SLCO1A2: variants seen among roughly 807,000 people sequenced by gnomAD.
SLCO1A2 encodes OATP-1.
SLCO1A2 carries 67 observed loss-of-function variants against 69.0 expected under a neutral mutation model. The observed-to-expected ratio is 0.97, with a 90% confidence interval of 0.80 to 1.19. SLCO1A2 has a LOEUF of 1.19. Among genes scored for constraint, SLCO1A2 ranks in the 50% most tolerant of loss-of-function variants. The pLI is 0.00. For synonymous variants in SLCO1A2, 260 were observed against 265.9 expected, an observed-to-expected ratio of 0.98 and a Z score of 0.22; for missense variants, 787 against 793.7, an observed-to-expected ratio of 0.99 and a Z score of 0.10.
intron 2 of SLCO1A2, among the ~76,000 whole-genome samples, chr12:21,368,876 G>C (rs1843187789): frequency 6.6e-6 from 1 of 152,068 alleles, no homozygotes; most frequent in Non-Finnish European, 1.5e-5. Context: ...GAGGAGAGCT[G>C]AATCTTCTTC....
intron 12 of SLCO1A2, among the ~76,000 whole-genome samples, chr12:21,284,458 G>A (rs1325665414): frequency 6.6e-6 from 1 of 151,976 alleles, no homozygotes; most frequent in African/African-American, 2.4e-5. Context: ...GAGACAGAAA[G>A]TTAACAAGGA....
Position 21,264,911 on chromosome 12 carries a change from G to C in SLCO1A2, c.*4637C>G, listed in dbSNP as rs1941914997. On this transcript the variant is annotated 3_prime_UTR_variant, in exon 15 of 15. Transcript: ENST00000683939. ...GGGCAGAAGTGTGCAGAGGTGTGGGGAATGGTGACAATGGAGGCACTGCCC... is the reference window on the plus strand; with the variant it reads ...GGGCAGAAGTGTGCAGAGGTGTGGGCAATGGTGACAATGGAGGCACTGCCC... The C allele has an allele frequency of 6.6e-6, 1 of 152,552 alleles. No individual in the cohort carries two copies. Among genetic ancestry groups the C allele is most frequent in the African/African-American group, 2.4e-5 (1 of 41,436 alleles). The allele number at this position is 152,552 out of a possible 1,614,324, so 9.4% of individuals were successfully genotyped here. A position where few individuals can be genotyped will look rare whatever the true frequency, so the allele number is the denominator to read the frequency against.
chr12:21,384,893 G>A (rs921806553), intron 1 of SLCO1A2, among the ~76,000 whole-genome samples: 1 of 151,660 alleles, frequency 6.6e-6, no homozygotes, highest in Non-Finnish European at 1.5e-5. Context: ...GGCTTCCCGA[G>A]TAGCTGGGAC....
At position 21,318,912 on chromosome 12, in the gene SLCO1A2, C is replaced by T; in HGVS notation, c.72G>A (p.Leu24=). Residue 24 remains leucine (L), a synonymous_variant, in exon 3 of 15, where the codon TTG becomes TTA. Coordinates refer to ENST00000683939, the MANE Select transcript of SLCO1A2 (RefSeq NM_001386879.1). The stretch of plus-strand genomic sequence containing the variant: ...TGGATACAAATGCACATGTTATTGC[C>T]AACAGAAACATCTAGGAAAAAAATA... ...RCLSKLKMFL[L]AITCAFVSKT... is the part of the protein sequence containing the mutation. 1 of 1,580,162 alleles carries T rather than the reference C, an allele frequency of 6.3e-7. No individual in the cohort carries two copies. Among genetic ancestry groups the T allele is most frequent in the South Asian group, 1.2e-5 (1 of 84,222 alleles).
At chr12:21,406,728 T>A (rs1941828894) in intron 1 of SLCO1A2, among the ~76,000 whole-genome samples, 1 of 152,174 alleles carries the variant, frequency 6.6e-6, no homozygotes, top group South Asian at 2.1e-4. Flanking sequence ...AGCAGAAGAA[T>A]GGGGATTCAG....
At position 21,306,840 on chromosome 12, in the gene SLCO1A2, A is replaced by T. The variant is rs759690461; in HGVS notation, c.442+42T>A. 6 of 1,329,306 alleles carry T rather than the reference A, an allele frequency of 4.5e-6. No individual in the cohort carries two copies. The African/African-American group carries it at 7.2e-5, about 16-fold the overall frequency. The allele number at this position is 1,329,306 out of a possible 1,614,324, so 82.3% of individuals were successfully genotyped here. A position where few individuals can be genotyped will look rare whatever the true frequency, so the allele number is the denominator to read the frequency against. The stretch of plus-strand genomic sequence containing the variant: ...GCCCCTCAGCAGAAAGTGTTTAGTT[A>T]TAAGTTCGCTGAACAAAAATCAATA... On this transcript the variant is annotated intron_variant, in intron 5 of 14. Coordinates refer to ENST00000683939, the MANE Select transcript of SLCO1A2 (RefSeq NM_001386879.1).
At chr12:21,399,889 A>C (rs1039262815), upstream of SLCO1A2, among the ~76,000 whole-genome samples, 19 of 150,830 alleles carry the variant, frequency 1.3e-4, no homozygotes, top group African/African-American at 4.4e-4. Context: ...GATGGATTAA[A>C]GACTTAAACG....
intron 12 of SLCO1A2, among the ~76,000 whole-genome samples, chr12:21,283,417 A>G (rs1591787997): frequency 1.3e-5 from 2 of 152,206 alleles, no homozygotes; most frequent in Admixed American, 6.5e-5. Flanking sequence ...TCAAAAATCA[A>G]TCAAAATCGA....
Position 21,292,286 on chromosome 12 carries a change from A to T in SLCO1A2, c.1488T>A (p.Val496=). ...CIQTSGNSSA[V]LGLCDKGPDC... ...CAGGTCCTTTGTCGCACAGCCCAAG[A>T]ACTGCAGATGAATTTCCTGATGTTT... is the stretch of plus-strand genomic sequence containing the variant. Residue 496 remains valine, a synonymous_variant, in exon 12 of 15, where the codon GTT becomes GTA. Coordinates refer to ENST00000683939, the MANE Select transcript of SLCO1A2 (RefSeq NM_001386879.1). 1 of 1,612,482 alleles carries T rather than the reference A, an allele frequency of 6.2e-7. No homozygotes were observed. Among genetic ancestry groups the T allele is most frequent in the Non-Finnish European group, 8.5e-7 (1 of 1,178,922 alleles).
chr12:21,406,148 T>C (rs1198625469), intron 1 of SLCO1A2, among the ~76,000 whole-genome samples: 1 of 152,206 alleles, frequency 6.6e-6, no homozygotes, highest in Non-Finnish European at 1.5e-5. Context: ...AATGAGTAGA[T>C]ATATTTAAAA....
intron 2 of SLCO1A2, among the ~76,000 whole-genome samples, chr12:21,322,176 A>ATAGTAAGGAACTAT (rs1356090226): frequency 1.3e-5 from 2 of 152,254 alleles, no homozygotes; most frequent in East Asian, 3.8e-4. Context: ...TATAAACAAC[A>ATAGTAAGGAACTAT]GAAATGTAAT....
chr12:21,293,191 T>G (rs1278469222), intron 11 of SLCO1A2, among the ~76,000 whole-genome samples: 2 of 152,044 alleles, frequency 1.3e-5, no homozygotes, highest in East Asian at 3.9e-4. Flanking sequence ...TCATCCTAGC[T>G]ACTCAGGAGG....
At chr12:21,412,487 A>G (rs1941923336) in intron 1 of SLCO1A2, among the ~76,000 whole-genome samples, 1 of 152,176 alleles carries the variant, frequency 6.6e-6, no homozygotes, top group Non-Finnish European at 1.5e-5. Context: ...TAGTTATTAA[A>G]TTGTATCAAA....
chr12:21,315,452 T>C (rs1950751446), intron 3 of SLCO1A2, among the ~76,000 whole-genome samples: 1 of 152,238 alleles, frequency 6.6e-6, no homozygotes, highest in Non-Finnish European at 1.5e-5. Flanking sequence ...AATAAGTTTT[T>C]TGCAAACCAT....
chr12:21,308,564 G>A (rs1949716444), intron 4 of SLCO1A2, among the ~76,000 whole-genome samples: 1 of 152,116 alleles, frequency 6.6e-6, no homozygotes, highest in African/African-American at 2.4e-5. Context: ...CCAGAGTCTG[G>A]AGAGGCACAC....
chr12:21,336,916 A>G (rs1444660175), upstream of SLCO1A2, among the ~76,000 whole-genome samples: 1 of 152,058 alleles, frequency 6.6e-6, no homozygotes, highest in Admixed American at 6.6e-5. Flanking sequence ...CTGAAGTTTT[A>G]TTAAGTGGAG....
At chr12:21,329,787 T>C (rs1312592336) in intron 2 of SLCO1A2, among the ~76,000 whole-genome samples, 2 of 151,486 alleles carry the variant, frequency 1.3e-5, no homozygotes, top group Admixed American at 6.6e-5. Flanking sequence ...AGCTACATCA[T>C]TGTATTTTTA....
chr12:21,360,046 A>C (rs997365538), intron 2 of SLCO1A2, among the ~76,000 whole-genome samples: 4 of 152,320 alleles, frequency 2.6e-5, no homozygotes, highest in African/African-American at 9.6e-5. Flanking sequence ...AAAGGAATAC[A>C]TGCTATACTA....
At chr12:21,321,099 A>C (rs1267809376) in intron 2 of SLCO1A2, among the ~76,000 whole-genome samples, 1 of 152,096 alleles carries the variant, frequency 6.6e-6, no homozygotes, top group Non-Finnish European at 1.5e-5. Context: ...CCAAATCCAC[A>C]AGCTATGTCT....
Sources: allele counts gnomAD v4.1 joint callset (sites outside exome capture counted in the v4.1 genomes callset), GRCh38; gene constraint gnomAD v4.1.1; transcripts MANE v1.5; gene names NCBI Gene and HGNC (gene_info 2026-07-23, HGNC 2026-07-21).